NRXN3: variants seen among roughly 807,000 people sequenced by gnomAD.
NRXN3 encodes the protein neurexin 3.
In NRXN3, 32 loss-of-function variants were observed where a neutral mutation model predicts 137.6. That is an observed-to-expected ratio of 0.23 (90% CI 0.18 to 0.31). NRXN3 has a LOEUF of 0.31. NRXN3 is among the 10% of genes least tolerant of loss of function. The pLI, the probability that NRXN3 is intolerant of heterozygous loss-of-function variation, is 1.00. For synonymous variants in NRXN3, 798 were observed against 784.5 expected (o/e 1.02, Z -0.29); for missense variants, 1,574 against 2,062.5 (o/e 0.76, Z 4.59).
chr14:78,329,699 A>G (rs1021387235), intron 4 of NRXN3, among the ~76,000 whole-genome samples: 6 of 152,206 alleles, frequency 3.9e-5, no homozygotes, highest in Non-Finnish European at 8.8e-5. Context: ...ATTAATATCC[A>G]AGGAGAAGAT....
At chr14:79,505,644 T>C (rs922393244) in intron 16 of NRXN3, among the ~76,000 whole-genome samples, 12 of 152,224 alleles carry the variant, frequency 7.9e-5, no homozygotes, top group Non-Finnish European at 1.6e-4. Flanking sequence ...CTTACATAGT[T>C]ATCAAAGTCA....
At chr14:79,520,038 A>T (rs940714036) in intron 16 of NRXN3, among the ~76,000 whole-genome samples, 8 of 149,630 alleles carry the variant, frequency 5.3e-5, no homozygotes, top group African/African-American at 2.0e-4. Context: ...ATAACTCTTA[A>T]GTTTTCTGTT....
intron 8 of NRXN3, among the ~76,000 whole-genome samples, chr14:78,800,720 C>A (rs1289556178): frequency 6.6e-6 from 1 of 152,180 alleles, no homozygotes; most frequent in African/African-American, 2.4e-5. Context: ...GATAACAACA[C>A]AGACTATTTT....
chr14:79,547,291 A>C (rs2194617), intron 16 of NRXN3, among the ~76,000 whole-genome samples: 2 of 152,094 alleles, frequency 1.3e-5, no homozygotes, highest in African/African-American at 4.8e-5. Flanking sequence ...GAATTGTACT[A>C]TATTACTCCA....
At chr14:79,106,653 A>T (rs1380319004) in intron 15 of NRXN3, among the ~76,000 whole-genome samples, 1 of 152,170 alleles carries the variant, frequency 6.6e-6, no homozygotes, top group Non-Finnish European at 1.5e-5. Flanking sequence ...AACAAATTTT[A>T]AAAAGTATCT....
intron 15 of NRXN3, among the ~76,000 whole-genome samples, chr14:79,363,217 C>A (rs1314815095): frequency 6.6e-6 from 1 of 152,182 alleles, no homozygotes; most frequent in African/African-American, 2.4e-5. Flanking sequence ...CCAGGCTGGT[C>A]TCAAACTCCT....
intron 19 of NRXN3, among the ~76,000 whole-genome samples, chr14:79,736,613 A>G (rs921112083): frequency 3.9e-5 from 6 of 152,208 alleles, no homozygotes; most frequent in Non-Finnish European, 5.9e-5. Context: ...AGAAAAAGAC[A>G]GTTTGAGAGA....
At chr14:79,682,051 C>T (rs1482440431) in intron 17 of NRXN3, among the ~76,000 whole-genome samples, 1 of 152,018 alleles carries the variant, frequency 6.6e-6, no homozygotes, top group Non-Finnish European at 1.5e-5. Context: ...GAAAATTATC[C>T]ACATTCATGT....
intron 15 of NRXN3, chr14:79,072,384 T>G (rs545894696): frequency 6.6e-6 from 1 of 152,324 alleles, no homozygotes; most frequent in East Asian, 1.9e-4. Context: ...TTCCAAAACC[T>G]TCCAGATTTG....
intron 15 of NRXN3, among the ~76,000 whole-genome samples, chr14:79,243,234 G>A (rs2074590021): frequency 6.6e-6 from 1 of 152,054 alleles, no homozygotes; most frequent in South Asian, 2.1e-4. Context: ...CGTCTACTAG[G>A]GGAAACAGAT....
chr14:78,294,917 A>T (rs923282022), intron 3 of NRXN3, among the ~76,000 whole-genome samples: 4 of 152,194 alleles, frequency 2.6e-5, no homozygotes, highest in African/African-American at 9.7e-5. Context: ...CCACTACCTT[A>T]TTCAGTCTAT....
At chr14:79,242,801 A>G (rs1445799309) in intron 15 of NRXN3, among the ~76,000 whole-genome samples, 1 of 152,162 alleles carries the variant, frequency 6.6e-6, no homozygotes, top group Non-Finnish European at 1.5e-5. Flanking sequence ...TCTGCCTGGA[A>G]GATTCTTAAG....
In NRXN3 at chr14:79,785,334, C is replaced by A. The variant is rs141246953; in HGVS notation, c.4015-19778C>A. ...TTACACCTCCTCTCGGTCCTCTTTG[C>A]CTCTGGCTGTATATGCATGTTCATT... On this transcript the variant is annotated intron_variant, in intron 19 of 20. Coordinates refer to ENST00000335750, the MANE Select transcript of NRXN3 (RefSeq NM_001330195.2). Among the ~76,000 whole-genome samples the A allele has an allele frequency of 5.9e-5, 9 of 152,290 alleles. No homozygotes were observed. The East Asian group carries it at 1.5e-3, about 26-fold the overall frequency.
chr14:78,326,805 CCTTT>C (rs1469469464), intron 4 of NRXN3, among the ~76,000 whole-genome samples: 1 of 151,990 alleles, frequency 6.6e-6, no homozygotes, highest in African/African-American at 2.4e-5. Context: ...TGATTACTGC[CCTTT>C]CTTTGTTCTA....
chr14:78,387,364 AAAGAAAAGAAACACTTATCT>A (rs1270824503), intron 4 of NRXN3, among the ~76,000 whole-genome samples: 15 of 152,196 alleles, frequency 9.9e-5, no homozygotes, highest in Non-Finnish European at 8.8e-5. Context: ...CTTGAATATC[AAAGAAAAGAAACACTTATCT>A]AGAAGACGCT....
intron 19 of NRXN3, among the ~76,000 whole-genome samples, chr14:79,778,204 C>T (rs187979789): frequency 4.1e-4 from 63 of 152,200 alleles, no homozygotes; most frequent in Non-Finnish European, 8.4e-4. Flanking sequence ...ATCACGAGGT[C>T]AGGAGTTTGA....
chr14:79,502,453 G>T (rs2096834592), intron 16 of NRXN3, among the ~76,000 whole-genome samples: 1 of 151,800 alleles, frequency 6.6e-6, no homozygotes, highest in Non-Finnish European at 1.5e-5. Flanking sequence ...AGAGATTTTT[G>T]TTCATAAGAA....
At chr14:78,595,838 T>G (rs2097153635) in intron 4 of NRXN3, among the ~76,000 whole-genome samples, 1 of 152,136 alleles carries the variant, frequency 6.6e-6, no homozygotes, top group Non-Finnish European at 1.5e-5. Flanking sequence ...AAACTATTCC[T>G]GGGAAAGGGG....
At chr14:79,164,154 T>G (rs1015452359) in intron 15 of NRXN3, among the ~76,000 whole-genome samples, 1 of 152,024 alleles carries the variant, frequency 6.6e-6, no homozygotes, top group Non-Finnish European at 1.5e-5. Flanking sequence ...CTGTCACTTA[T>G]CACTTCTTCT....
Sources: gnomAD v4.1 joint callset for allele counts (sites outside exome capture counted in the v4.1 genomes callset) on GRCh38, gnomAD v4.1.1 for gene constraint, MANE v1.5 for transcripts, NCBI Gene and HGNC (gene_info 2026-07-23, HGNC 2026-07-21) for gene names.